Variants in ZNF236 observed in about 807,000 individuals in gnomAD.
ZNF236 encodes zinc finger protein 236.
Under a neutral mutation model 191.2 loss-of-function variants are expected in ZNF236, and 50 were observed. The ratio of observed to expected loss-of-function variants is 0.26; its 90% CI spans 0.21 to 0.33. ZNF236 has a LOEUF of 0.33. ZNF236 is among the 10% of genes least tolerant of loss of function. The pLI, the probability that ZNF236 is intolerant of heterozygous loss-of-function variation, is 1.00. For missense variants in ZNF236, 1,754 were observed against 2,374.5 expected, an observed-to-expected ratio of 0.74 and a Z score of 5.43; for synonymous variants, 907 against 928.8, an observed-to-expected ratio of 0.98 and a Z score of 0.43.
At chr18:76,944,144 G>A (rs892778764) in intron 26 of ZNF236, among the ~76,000 whole-genome samples, 1 of 152,180 alleles carries the variant, frequency 6.6e-6, no homozygotes, top group East Asian at 1.9e-4. Flanking sequence ...TGGGGCTGGC[G>A]TCTGTGCTGT....
At chr18:76,869,001 G>A (rs904258162) in intron 4 of ZNF236, 138 bp downstream of exon 4, 36 of 763,724 alleles carry the variant, frequency 4.7e-5, no homozygotes, top group African/African-American at 8.8e-5. Flanking sequence ...GTGTCAGAAC[G>A]TCTTTTATAA....
At chr18:76,949,314 C>T (rs915189533) in intron 27 of ZNF236, among the ~76,000 whole-genome samples, 1 of 152,086 alleles carries the variant, frequency 6.6e-6, no homozygotes, top group Admixed American at 6.5e-5. Flanking sequence ...GTAGAGTAAT[C>T]CTATGTTAAG....
intron 30 of ZNF236, among the ~76,000 whole-genome samples, chr18:76,961,866 C>G (rs1257949598): frequency 1.3e-5 from 2 of 152,024 alleles, no homozygotes; most frequent in Admixed American, 6.5e-5. Context: ...TATATATCTT[C>G]TTTTGAGAAT....
At chr18:76,856,064 A>T (rs1181254000) in intron 3 of ZNF236, among the ~76,000 whole-genome samples, 1 of 152,072 alleles carries the variant, frequency 6.6e-6, no homozygotes, top group Non-Finnish European at 1.5e-5. Context: ...CTTTCTCTTT[A>T]AAAAAATTAT....
intron 12 of ZNF236, among the ~76,000 whole-genome samples, chr18:76,904,925 A>G (rs1977697861): frequency 6.6e-6 from 1 of 152,220 alleles, no homozygotes; most frequent in Admixed American, 6.5e-5. Context: ...TAGAACTTAG[A>G]AAAAGACATG....
intron 12 of ZNF236, 33 bp from the exon 13 acceptor site, chr18:76,905,122 A>G: frequency 2.5e-6 from 4 of 1,577,950 alleles, no homozygotes; most frequent in Non-Finnish European, 3.5e-6. Flanking sequence ...AGTATAAGAA[A>G]CATATTCATT....
chr18:76,823,696 G>T (rs1974932830), intron 1 of ZNF236, among the ~76,000 whole-genome samples: 1 of 152,262 alleles, frequency 6.6e-6, no homozygotes, highest in Admixed American at 6.5e-5. Flanking sequence ...CCCAGACCCT[G>T]GCCCTTCCAG....
At chr18:76,888,587 C>T (rs902817726) in intron 9 of ZNF236, 3 of 152,432 alleles carry the variant, frequency 2.0e-5, no homozygotes, top group Non-Finnish European at 2.9e-5. Context: ...GACTTTGTGT[C>T]ACCCTGACTG....
chr18:76,909,430 C>T (rs1967156659), intron 14 of ZNF236, among the ~76,000 whole-genome samples: 1 of 152,038 alleles, frequency 6.6e-6, no homozygotes, highest in South Asian at 2.1e-4. Flanking sequence ...TCTGTATGAT[C>T]TTTAGTATTC....
At chr18:76,957,356 C>T (rs767805409) in intron 28 of ZNF236, among the ~76,000 whole-genome samples, 9 of 152,116 alleles carry the variant, frequency 5.9e-5, no homozygotes, top group Admixed American at 1.3e-4. Context: ...TCAGCAGTGA[C>T]GGCCCTGTCC....
At chr18:76,848,392 C>T (rs1011397028) in intron 1 of ZNF236, among the ~76,000 whole-genome samples, 2 of 152,120 alleles carry the variant, frequency 1.3e-5, no homozygotes, top group Non-Finnish European at 2.9e-5. Flanking sequence ...AAGTATATTA[C>T]GTATTTATGT....
rs1388089508 is a variant in ZNF236 at position 76,972,390 on chromosome 18, AC to A, written c.*4056del. On this transcript the variant is annotated 3_prime_UTR_variant, in exon 31 of 31. Coordinates refer to ENST00000320610, the MANE Select transcript of ZNF236 (RefSeq NM_001306089.2). ...TCTCCGAACGGATTCCCCTCCTCAG[AC>A]CCCCATGCACGGATGAGCACATAGC... Among the ~76,000 whole-genome samples, 1 of 151,574 alleles carries A rather than the reference AC, an allele frequency of 6.6e-6. No individual in the cohort carries two copies. Among genetic ancestry groups the A allele is most frequent in the Non-Finnish European group, 1.5e-5 (1 of 67,912 alleles).
intron 27 of ZNF236, among the ~76,000 whole-genome samples, chr18:76,947,905 G>A (rs540805358): frequency 1.4e-4 from 22 of 152,200 alleles, no homozygotes; most frequent in South Asian, 4.1e-4. Flanking sequence ...AGAATTAGAT[G>A]TAGCCACAGT....
chr18:76,942,439 T>G (rs1351371773), intron 26 of ZNF236, among the ~76,000 whole-genome samples: 2 of 152,178 alleles, frequency 1.3e-5, no homozygotes, highest in Non-Finnish European at 2.9e-5. Flanking sequence ...AAGATGATGT[T>G]CCTAAAAACA....
At chr18:76,858,894 C>G (rs1207079368) in intron 3 of ZNF236, among the ~76,000 whole-genome samples, 3 of 3,068 alleles carry the variant, frequency 9.8e-4, no homozygotes, top group Non-Finnish European at 5.8e-4. Flanking sequence ...GAGGGCTCAG[C>G]TGGAGGCGGG....
chr18:76,938,339 A>G lies in ZNF236; in HGVS notation c.4782+996A>G, dbSNP rs981507460. ...TGGGAAGTCGATGCTGCAGTGAGCC[A>G]TGATTGCACCACTGCACTCCAGCCT... On this transcript the variant is annotated intron_variant, in intron 26 of 30. Transcript: ENST00000320610. 3.9e-5 allele frequency among the ~76,000 whole-genome samples: 6 copies of G among 152,288 alleles called. No individual in the cohort carries two copies. In the South Asian group the frequency reaches 1.2e-3, roughly 32 times the overall value.
intron 19 of ZNF236, among the ~76,000 whole-genome samples, chr18:76,916,734 AG>A (rs1228714350): frequency 6.6e-6 from 1 of 152,012 alleles, no homozygotes; most frequent in African/African-American, 2.4e-5. Flanking sequence ...GGCTGGTCTG[AG>A]TGTATGTGTT....
Position 76,968,347 on chromosome 18 carries a change from T to C in ZNF236, c.*8T>C, listed in dbSNP as rs2122990780. ...CTCACCCACGTCTTCTGATGCGAGT[T>C]GGAAGTACACCTTTAAGAATGTTTC... On this transcript the variant is annotated 3_prime_UTR_variant, in exon 31 of 31. Transcript: ENST00000320610. 1 of 1,604,906 alleles carries C rather than the reference T, an allele frequency of 6.2e-7. No homozygotes were observed. The highest frequency in any genetic ancestry group is 1.1e-5 in the South Asian group (1 of 89,030).
chr18:76,957,146 G>T lies in ZNF236; in HGVS notation c.5112+964G>T, dbSNP rs73490898. 2.7e-3 allele frequency among the ~76,000 whole-genome samples: 403 copies of T among 149,476 alleles called. 1 individual carries two copies. Among genetic ancestry groups the T allele is most frequent in the African/African-American group, 9.5e-3 (370 of 38,816 alleles). On this transcript the variant is annotated intron_variant, in intron 28 of 30. Coordinates refer to ENST00000320610, the MANE Select transcript of ZNF236 (RefSeq NM_001306089.2). ...CTGGACCCTTGGGGTTCCTGTGTAT[G>T]TTGGGGGGGTGGGGATTGTTTTTGG... is the stretch of plus-strand genomic sequence containing the variant.
Sources: gnomAD v4.1 joint callset for allele counts (sites outside exome capture counted in the v4.1 genomes callset) on GRCh38, gnomAD v4.1.1 for gene constraint, MANE v1.5 for transcripts, NCBI Gene and HGNC (gene_info 2026-07-23, HGNC 2026-07-21) for gene names.